Variants in PHF14 observed in about 807,000 individuals in gnomAD.
PHF14 encodes the protein PHD finger protein 14.
Under a neutral mutation model 117.9 loss-of-function variants are expected in PHF14, and 55 were observed. The observed-to-expected ratio is 0.47, with a 90% CI of 0.38 to 0.58. PHF14 has a LOEUF of 0.58. Ranked by LOEUF, PHF14 falls within the 20% of genes least tolerant of loss-of-function variation. The probability of loss-of-function intolerance (pLI) is 0.00; values close to 1 mark genes in which losing one functional copy is unlikely to be tolerated. For synonymous variants in PHF14, 409 were observed against 368.6 expected (o/e 1.11, Z -1.26); for missense variants, 978 against 1,122.2 (o/e 0.87, Z 1.84).
At chr7:11,040,324 G>A (rs1226055631) in intron 11 of PHF14, among the ~76,000 whole-genome samples, 1 of 152,004 alleles carries the variant, frequency 6.6e-6, no homozygotes, top group Non-Finnish European at 1.5e-5. Flanking sequence ...CTGGGGTGCT[G>A]AAGAAAATAA....
chr7:10,974,728 G>C, intron 1 of PHF14, 107 bp from the exon 2 acceptor site: 1 of 658,938 alleles, frequency 1.5e-6, no homozygotes, highest in Non-Finnish European at 2.7e-6. Flanking sequence ...AACTCAGTTA[G>C]ACAAAAATTC....
At chr7:11,144,149 A>C (rs1788477825) in intron 17 of PHF14, among the ~76,000 whole-genome samples, 1 of 152,150 alleles carries the variant, frequency 6.6e-6, no homozygotes, top group Non-Finnish European at 1.5e-5. Flanking sequence ...GGGAATTGCA[A>C]ATCAAACCAT....
chr7:11,085,577 G>A (rs1786368076), intron 16 of PHF14, among the ~76,000 whole-genome samples: 1 of 152,040 alleles, frequency 6.6e-6, no homozygotes, highest in Admixed American at 6.6e-5. Flanking sequence ...ATCCTATTTG[G>A]CCTCGTTTCA....
intron 17 of PHF14, among the ~76,000 whole-genome samples, chr7:11,166,405 G>A (rs1789203130): frequency 6.6e-6 from 1 of 151,464 alleles, no homozygotes; most frequent in Non-Finnish European, 1.5e-5. Context: ...AAATGCTTTG[G>A]TAAAAAGCTT....
At chr7:11,001,616 T>G (rs1782879493) in intron 4 of PHF14, among the ~76,000 whole-genome samples, 1 of 39,896 alleles carries the variant, frequency 2.5e-5, no homozygotes, top group Non-Finnish European at 6.0e-5. Flanking sequence ...TATTATTTTA[T>G]TTTTTGGGGG....
intron 16 of PHF14, among the ~76,000 whole-genome samples, chr7:11,076,292 C>T (rs1785846467): frequency 6.6e-6 from 1 of 152,204 alleles, no homozygotes; most frequent in South Asian, 2.1e-4. Context: ...TAAATGGTGG[C>T]ATCCCTTCCG....
At chr7:11,050,508 GCTGT>G (rs1784823247) in intron 13 of PHF14, among the ~76,000 whole-genome samples, 1 of 151,852 alleles carries the variant, frequency 6.6e-6, no homozygotes, top group Non-Finnish European at 1.5e-5. Context: ...TTAGATTTCT[GCTGT>G]CTAAATGTTA....
intron 2 of PHF14, among the ~76,000 whole-genome samples, chr7:10,977,884 T>A (rs985684059): frequency 1.4e-4 from 21 of 152,182 alleles, no homozygotes; most frequent in African/African-American, 4.8e-4. Context: ...GGGCATAGGG[T>A]TGGGTGTATG....
intron 11 of PHF14, among the ~76,000 whole-genome samples, chr7:11,040,025 ATTTATTAAAAGACTT>A (rs373098665): frequency 6.6e-6 from 1 of 152,302 alleles, no homozygotes; most frequent in African/African-American, 2.4e-5. Context: ...AGACATTTTC[ATTTATTAAAAGACTT>A]TTAACAGAGG....
chr7:11,046,573 T>G (rs1298403991), intron 13 of PHF14, among the ~76,000 whole-genome samples: 1 of 152,144 alleles, frequency 6.6e-6, no homozygotes, highest in Non-Finnish European at 1.5e-5. Context: ...TAACCGCTAG[T>G]AGGAATTCCA....
At chr7:10,999,492 A>C (rs1225506492) in intron 4 of PHF14, among the ~76,000 whole-genome samples, 4 of 152,160 alleles carry the variant, frequency 2.6e-5, no homozygotes, top group Non-Finnish European at 4.4e-5. Flanking sequence ...GACTAGTTCC[A>C]TGTACATTTC....
intron 16 of PHF14, among the ~76,000 whole-genome samples, chr7:11,087,009 T>C (rs986835248): frequency 3.9e-5 from 6 of 152,170 alleles, no homozygotes; most frequent in African/African-American, 7.2e-5. Flanking sequence ...ATCAAGTCAG[T>C]TAAATTAGAT....
chr7:10,986,180 C>T (rs530861961), intron 3 of PHF14, among the ~76,000 whole-genome samples: 3 of 142,984 alleles, frequency 2.1e-5, no homozygotes, highest in East Asian at 2.1e-4. Context: ...GATGGTATAT[C>T]ACTATGTTGC....
intron 16 of PHF14, among the ~76,000 whole-genome samples, chr7:11,073,598 C>T (rs1207195381): frequency 1.3e-5 from 2 of 152,164 alleles, no homozygotes; most frequent in South Asian, 2.1e-4. Flanking sequence ...GGTGGCTCTA[C>T]CATTCTAAGG....
intron 16 of PHF14, among the ~76,000 whole-genome samples, chr7:11,090,489 A>G (rs570437735): frequency 1.3e-5 from 2 of 152,334 alleles, no homozygotes; most frequent in South Asian, 4.1e-4. Context: ...AAGAACTGCA[A>G]AATTGCCTGA....
chr7:11,051,237 C>G (rs1784842977), intron 13 of PHF14, among the ~76,000 whole-genome samples: 1 of 151,720 alleles, frequency 6.6e-6, no homozygotes, highest in Non-Finnish European at 1.5e-5. Context: ...AAGACAGTCT[C>G]TCACTATGTT....
intron 16 of PHF14, among the ~76,000 whole-genome samples, chr7:11,089,880 C>T (rs1045817940): frequency 1.3e-5 from 2 of 151,428 alleles, no homozygotes; most frequent in African/African-American, 2.4e-5. Flanking sequence ...AAGCGATTCT[C>T]CTGCCTCAGC....
chr7:11,167,919 G>T (rs574513004), intron 17 of PHF14, among the ~76,000 whole-genome samples: 1 of 151,838 alleles, frequency 6.6e-6, no homozygotes, highest in East Asian at 1.9e-4. Flanking sequence ...CCAGCTACTC[G>T]GGAGGCTGAG....
chr7:10,991,254 C>G (rs1782437144), intron 4 of PHF14, among the ~76,000 whole-genome samples: 1 of 152,086 alleles, frequency 6.6e-6, no homozygotes, highest in Admixed American at 6.6e-5. Flanking sequence ...TATCTTAGCT[C>G]ACTTCATCCT....
Sources: allele counts gnomAD v4.1 joint callset (sites outside exome capture counted in the v4.1 genomes callset), GRCh38; gene constraint gnomAD v4.1.1; transcripts MANE v1.5; gene names NCBI Gene and HGNC (gene_info 2026-07-23, HGNC 2026-07-21).